PRKCA: variants seen among roughly 807,000 people sequenced by gnomAD.
PRKCA encodes protein kinase C alpha type.
PRKCA carries 27 observed loss-of-function variants against 87.0 expected under a neutral mutation model. That is an observed-to-expected ratio of 0.31 (90% CI 0.23 to 0.43). The LOEUF is 0.43. Ranked by LOEUF, PRKCA falls within the 20% of genes least tolerant of loss-of-function variation. The pLI is 1.00. For synonymous variants in PRKCA, 329 were observed against 311.1 expected (o/e 1.06, Z -0.61); for missense variants, 518 against 852.3 (o/e 0.61, Z 4.88).
At chr17:66,469,362 A>G in intron 2 of PRKCA, among the ~76,000 whole-genome samples, 1 of 152,282 alleles carries the variant, frequency 6.6e-6, no homozygotes, top group South Asian at 2.1e-4. Context: ...TGTTTCTTAA[A>G]AACAAAACAA....
Position 66,490,942 on chromosome 17 carries a change from C to T in PRKCA, c.206-5259C>T, listed in dbSNP as rs528150162. On this transcript the variant is annotated intron_variant, in intron 2 of 16. Coordinates refer to ENST00000413366, the MANE Select transcript of PRKCA (RefSeq NM_002737.3). ...TTGTTCTGTTTCTGAAATATACTTT[C>T]GACAAGTGGTGAAAACTCTCCTTAA... is the stretch of plus-strand genomic sequence containing the variant. 1.8e-4 allele frequency among the ~76,000 whole-genome samples: 27 copies of T among 152,266 alleles called. 1 individual carries two copies. Among genetic ancestry groups the T allele is most frequent in the African/African-American group, 4.8e-4 (20 of 41,546 alleles).
At chr17:66,629,678 T>C (rs1428231150) in intron 3 of PRKCA, among the ~76,000 whole-genome samples, 1 of 151,766 alleles carries the variant, frequency 6.6e-6, no homozygotes, top group African/African-American at 2.4e-5. Context: ...TAAACATTAT[T>C]TGGTGCTAAA....
chr17:66,655,485 T>C (rs1374096665), intron 5 of PRKCA, among the ~76,000 whole-genome samples: 1 of 152,200 alleles, frequency 6.6e-6, no homozygotes, highest in Non-Finnish European at 1.5e-5. Flanking sequence ...TCAGCTGCAG[T>C]TACCTTTAGG....
chr17:66,766,263 G>A (rs1297879243), intron 13 of PRKCA, among the ~76,000 whole-genome samples: 1 of 152,194 alleles, frequency 6.6e-6, no homozygotes, highest in African/African-American at 2.4e-5. Context: ...CCAGCTGGGA[G>A]CCAACTTGTT....
intron 8 of PRKCA, among the ~76,000 whole-genome samples, chr17:66,717,866 A>G (rs557067327): frequency 6.6e-6 from 1 of 152,330 alleles, no homozygotes; most frequent in South Asian, 2.1e-4. Context: ...AGAATGACTC[A>G]TGCCTGTGAT....
At chr17:66,378,702 T>C (rs895040691) in intron 2 of PRKCA, among the ~76,000 whole-genome samples, 4 of 152,064 alleles carry the variant, frequency 2.6e-5, no homozygotes, top group African/African-American at 9.7e-5. Flanking sequence ...AGTTCAAGAC[T>C]GTCCTGTCCA....
chr17:66,722,090 C>T (rs1331259992), intron 8 of PRKCA, among the ~76,000 whole-genome samples: 1 of 152,086 alleles, frequency 6.6e-6, no homozygotes, highest in Non-Finnish European at 1.5e-5. Flanking sequence ...TAAATCAGCA[C>T]CCCTTGTAAG....
intron 5 of PRKCA, among the ~76,000 whole-genome samples, chr17:66,667,907 T>C (rs1359895562): frequency 6.6e-6 from 1 of 152,250 alleles, no homozygotes; most frequent in African/African-American, 2.4e-5. Context: ...ATCTCTCTTA[T>C]GTCCCTCTGA....
chr17:66,693,242 A>G (rs755655970), intron 8 of PRKCA, among the ~76,000 whole-genome samples: 1 of 152,226 alleles, frequency 6.6e-6, no homozygotes, highest in Non-Finnish European at 1.5e-5. Flanking sequence ...AGAGCAGTTC[A>G]TCCTCCTACA....
chr17:66,393,643 T>TGTGTGTAC (rs1910495893), intron 2 of PRKCA, among the ~76,000 whole-genome samples: 2 of 142,066 alleles, frequency 1.4e-5, no homozygotes, highest in South Asian at 4.3e-4. Flanking sequence ...TGTGTGCACG[T>TGTGTGTAC]GTGTGTGTGT....
At chr17:66,704,648 G>A (rs993961141) in intron 8 of PRKCA, among the ~76,000 whole-genome samples, 1 of 152,224 alleles carries the variant, frequency 6.6e-6, no homozygotes, top group South Asian at 2.1e-4. Flanking sequence ...AGGATTATAA[G>A]TCCAGATACT....
chr17:66,746,985 T>C (rs1974304092), intron 13 of PRKCA, among the ~76,000 whole-genome samples: 1 of 152,062 alleles, frequency 6.6e-6, no homozygotes, highest in Non-Finnish European at 1.5e-5. Flanking sequence ...GCAGGAAGAG[T>C]GTCTGCTTCT....
rs147847750 is a variant in PRKCA at position 66,738,521 on chromosome 17, C to T, written c.1231-243C>T. ...TAATAGCATATGTAACAGGAAGGCACGTTGATGGAGAGCCATTATTTCAGG... is the reference window on the plus strand; with the variant it reads ...TAATAGCATATGTAACAGGAAGGCATGTTGATGGAGAGCCATTATTTCAGG... On this transcript the variant is annotated intron_variant, in intron 10 of 16. Transcript: ENST00000413366. Among the ~76,000 whole-genome samples the T allele has an allele frequency of 7.2e-5, 11 of 152,298 alleles. 1 individual carries two copies. Among genetic ancestry groups the T allele is most frequent in the African/African-American group, 2.6e-4 (11 of 41,566 alleles).
intron 13 of PRKCA, among the ~76,000 whole-genome samples, chr17:66,763,370 T>A (rs1974727888): frequency 6.6e-6 from 1 of 152,158 alleles, no homozygotes; most frequent in Non-Finnish European, 1.5e-5. Flanking sequence ...GGTCCCACAG[T>A]AGCAAGTGGA....
chr17:66,576,629 G>A (rs960677679), intron 3 of PRKCA, among the ~76,000 whole-genome samples: 11 of 152,096 alleles, frequency 7.2e-5, no homozygotes, highest in African/African-American at 2.7e-4. Context: ...ACCCATGTAC[G>A]ACTTGACCAG....
chr17:66,307,067 G>C (rs1406488296), intron 2 of PRKCA, among the ~76,000 whole-genome samples: 1 of 152,194 alleles, frequency 6.6e-6, no homozygotes, highest in East Asian at 1.9e-4. Flanking sequence ...GATTGTGCTA[G>C]TAAATTGGTT....
intron 13 of PRKCA, among the ~76,000 whole-genome samples, chr17:66,749,332 C>T (rs756190868): frequency 1.5e-4 from 22 of 151,700 alleles, no homozygotes; most frequent in Non-Finnish European, 3.1e-4. Flanking sequence ...GCACTAGCTC[C>T]CTTTCCACTC....
intron 3 of PRKCA, among the ~76,000 whole-genome samples, chr17:66,627,958 G>A (rs1169136434): frequency 1.3e-5 from 2 of 152,228 alleles, no homozygotes; most frequent in Non-Finnish European, 2.9e-5. Context: ...AATTTGTGGA[G>A]GCTTTGAGCA....
intron 16 of PRKCA, among the ~76,000 whole-genome samples, chr17:66,802,583 AAG>A (rs1162098051): frequency 6.6e-6 from 1 of 152,110 alleles, no homozygotes; most frequent in East Asian, 1.9e-4. Flanking sequence ...AGTGTGAAAA[AAG>A]AGCTGAGAAA....
Sources: allele counts gnomAD v4.1 joint callset (sites outside exome capture counted in the v4.1 genomes callset), GRCh38; gene constraint gnomAD v4.1.1; transcripts MANE v1.5; gene names NCBI Gene and HGNC (gene_info 2026-07-23, HGNC 2026-07-21).